The following TET2 variants were observed in gnomAD, a reference collection of about 807,000 sequenced individuals.
TET2 encodes the protein tet methylcytosine dioxygenase 2, also known as methylcytosine dioxygenase TET2.
TET2 carries 299 observed loss-of-function variants against 142.9 expected under a neutral mutation model. The ratio of observed to expected loss-of-function variants is 2.09; its 90% CI spans 1.90 to 2.30. The LOEUF (loss-of-function observed/expected upper bound fraction) is 2.30. TET2 is among the 30% of genes most tolerant of loss of function. The probability of loss-of-function intolerance (pLI) is 0.00; values close to 1 mark genes in which losing one functional copy is unlikely to be tolerated. For synonymous variants in TET2, 819 were observed against 849.0 expected, an observed-to-expected ratio of 0.96 and a Z score of 0.61; for missense variants, 2,418 against 2,378.0, an observed-to-expected ratio of 1.02 and a Z score of -0.35.
At chr4:105,163,848 AGAGAGAGTGTGTGTGTGT>A (rs1337748385) in intron 1 of TET2, among the ~76,000 whole-genome samples, 4 of 113,576 alleles carry the variant, frequency 3.5e-5, no homozygotes, top group African/African-American at 1.4e-4. Flanking sequence ...AGAGAGAGAG[AGAGAGAGTGTGTGTGTGT>A]GTGTGTGTGT....
intron 2 of TET2, 35 bp downstream of exon 2, chr4:105,190,540 A>T (rs192525019): frequency 1.4e-6 from 1 of 696,548 alleles, no homozygotes; most frequent in Non-Finnish European, 2.6e-6. Context: ...CTTGTTTGTC[A>T]AGTATGAATT....
At chr4:105,261,070 CTTTT>C (rs537773871) in intron 7 of TET2, among the ~76,000 whole-genome samples, 30 of 146,146 alleles carry the variant, frequency 2.1e-4, no homozygotes, top group African/African-American at 5.7e-4. Context: ...TGTCTCACAA[CTTTT>C]TTTTTTTAGA....
chr4:105,243,914 G>A (rs1729450875), intron 6 of TET2, 136 bp downstream of exon 6: 1 of 719,828 alleles, frequency 1.4e-6, no homozygotes, highest in Non-Finnish European at 2.3e-6. Flanking sequence ...TGGCAGTCAT[G>A]CGATAAGAAG....
At chr4:105,209,037 C>G in intron 2 of TET2, among the ~76,000 whole-genome samples, 1 of 103,086 alleles carries the variant, frequency 9.7e-6, no homozygotes, top group African/African-American at 3.1e-5. Context: ...GAAATAGATG[C>G]CTCAAGGCAT....
chr4:105,267,999 C>G (rs72963038), intron 8 of TET2, among the ~76,000 whole-genome samples: 1 of 152,098 alleles, frequency 6.6e-6, no homozygotes, highest in Non-Finnish European at 1.5e-5. Flanking sequence ...AAGACTAATA[C>G]TTGACCCCTA....
At chr4:105,254,798 G>T (rs1730042220) in intron 6 of TET2, among the ~76,000 whole-genome samples, 1 of 152,162 alleles carries the variant, frequency 6.6e-6, no homozygotes, top group African/African-American at 2.4e-5. Context: ...AGCATGAAGG[G>T]ATTTTTCTCT....
At chr4:105,156,062 C>A (rs1723552490) in intron 1 of TET2, among the ~76,000 whole-genome samples, 1 of 152,170 alleles carries the variant, frequency 6.6e-6, no homozygotes, top group South Asian at 2.1e-4. Flanking sequence ...ACTTTGTGAA[C>A]CACCTCAGCT....
chr4:105,268,318 TAGAC>T (rs1730789165), intron 8 of TET2, among the ~76,000 whole-genome samples: 1 of 151,906 alleles, frequency 6.6e-6, no homozygotes, highest in South Asian at 2.1e-4. Context: ...ATAAAATTCT[TAGAC>T]ATACATTTGA....
intron 2 of TET2, among the ~76,000 whole-genome samples, chr4:105,193,034 CA>C (rs1394860208): frequency 6.6e-6 from 1 of 152,092 alleles, no homozygotes; most frequent in Non-Finnish European, 1.5e-5. Flanking sequence ...GTATCTTATA[CA>C]TCAGTAAATA....
At chr4:105,152,760 C>A (rs1314180144) in intron 1 of TET2, among the ~76,000 whole-genome samples, 1 of 151,958 alleles carries the variant, frequency 6.6e-6, no homozygotes, top group East Asian at 1.9e-4. Flanking sequence ...CCACACCTGG[C>A]TAATTTTTCT....
intron 1 of TET2, among the ~76,000 whole-genome samples, chr4:105,175,254 A>T (rs1724715423): frequency 6.6e-6 from 1 of 152,218 alleles, no homozygotes; most frequent in South Asian, 2.1e-4. Flanking sequence ...AGAGTCAAAT[A>T]TGGCAGTGAC....
At chr4:105,195,684 G>A (rs1252818248) in intron 2 of TET2, among the ~76,000 whole-genome samples, 1 of 150,366 alleles carries the variant, frequency 6.7e-6, no homozygotes, top group African/African-American at 2.5e-5. Flanking sequence ...AAATTAATCT[G>A]TACATGTTCA....
At chr4:105,225,389 G>A (rs1321864058) in intron 2 of TET2, among the ~76,000 whole-genome samples, 1 of 152,064 alleles carries the variant, frequency 6.6e-6, no homozygotes, top group African/African-American at 2.4e-5. Context: ...TTTATGTGGT[G>A]TTCTCTGTAC....
intron 6 of TET2, among the ~76,000 whole-genome samples, chr4:105,250,683 A>G (rs146276963): frequency 7.2e-5 from 11 of 152,216 alleles, no homozygotes; most frequent in Admixed American, 3.9e-4. Flanking sequence ...TGAAACATGT[A>G]CAAAGTCCTG....
intron 1 of TET2, among the ~76,000 whole-genome samples, chr4:105,161,062 T>G (rs1723831593): frequency 6.6e-6 from 1 of 152,124 alleles, no homozygotes; most frequent in Non-Finnish European, 1.5e-5. Context: ...GTGTTTTTCT[T>G]TAAGTAATAC....
chr4:105,272,286 A>G (rs374638438), intron 9 of TET2, among the ~76,000 whole-genome samples: 10 of 152,308 alleles, frequency 6.6e-5, no homozygotes, highest in Non-Finnish European at 1.5e-4. Flanking sequence ...AGACAGAAAC[A>G]TATGTGAAGA....
chr4:105,157,302 T>G (rs1723616258), intron 1 of TET2, among the ~76,000 whole-genome samples: 2 of 152,174 alleles, frequency 1.3e-5, no homozygotes, highest in Non-Finnish European at 2.9e-5. Context: ...CAACTAAAGA[T>G]TCTTACCATA....
At chr4:105,181,384 A>G (rs988483578) in intron 1 of TET2, among the ~76,000 whole-genome samples, 3 of 152,064 alleles carry the variant, frequency 2.0e-5, no homozygotes, top group Admixed American at 6.5e-5. Context: ...GTGCTTTTCT[A>G]TTTACTTGCA....
rs1731129442 is a variant in TET2, at chr4:105,275,029, T to C, written c.4538-19T>C. ...ACATCAAAGATACCTGTTTCTGTTC[T>C]CTCTTACCCTGTCCACAGAACTTTT... On this transcript the variant is annotated intron_variant, in intron 10 of 10. Coordinates refer to ENST00000380013, the MANE Select transcript of TET2 (RefSeq NM_001127208.3). 2.0e-6 allele frequency: 3 copies of C among 1,475,620 alleles called. No homozygotes were observed. In the South Asian group the frequency reaches 4.3e-5, roughly 21 times the overall value. 91.4% of individuals were successfully genotyped at this position (1,475,620 alleles called of 1,614,324 possible). A position where few individuals can be genotyped will look rare whatever the true frequency, so the allele number is the denominator to read the frequency against.
Sources: allele counts gnomAD v4.1 joint callset (sites outside exome capture counted in the v4.1 genomes callset), GRCh38; gene constraint gnomAD v4.1.1; transcripts MANE v1.5; gene names NCBI Gene and HGNC (gene_info 2026-07-23, HGNC 2026-07-21).